The following NBEAL2 variants were observed in gnomAD, a reference collection of about 807,000 sequenced individuals.
NBEAL2 encodes neurobeachin like 2, also known as neurobeachin-like protein 2.
A neutral mutation model predicts 299.8 loss-of-function variants in NBEAL2; 160 were observed. The observed-to-expected ratio is 0.53, with a 90% CI of 0.47 to 0.61. The LOEUF is 0.61. NBEAL2 is among the 20% of genes least tolerant of loss of function. NBEAL2 has a pLI of 0.00. For missense variants in NBEAL2, 3,112 were observed against 3,649.0 expected (o/e 0.85, Z 3.79); for synonymous variants, 1,493 against 1,542.3 (o/e 0.97, Z 0.75).
At position 46,994,542 on chromosome 3, in the gene NBEAL2, C is replaced by T. The variant is rs1380279592; in HGVS notation, c.1285C>T (p.Leu429=). The T allele has an allele frequency of 1.9e-6, 3 of 1,581,136 alleles. No individual in the cohort carries two copies. The highest frequency in any genetic ancestry group is 2.3e-5 in the East Asian group (1 of 43,592). ...GPPTHRLLQE[L]LNMAVEGDHS... is the part of the protein sequence containing the mutation. ...CCCCACCCATCGGCTGTTGCAAGAGCTGCTCAACATGGTGAGGGAAGGGGC... is the reference window on the plus strand; with the variant it reads ...CCCCACCCATCGGCTGTTGCAAGAGTTGCTCAACATGGTGAGGGAAGGGGC... Residue 429 remains leucine, a synonymous_variant, in exon 12 of 54, where the codon CTG becomes TTG. Transcript: ENST00000450053.
In NBEAL2 at chr3:46,999,478, C is replaced by A. The variant is rs1290499333; in HGVS notation, c.3703+4C>A. The A allele has an allele frequency of 7.0e-6, 11 of 1,579,840 alleles. No homozygotes were observed. The East Asian group carries it at 1.9e-4, about 27-fold the overall frequency. On this transcript the variant is annotated splice_donor_region_variant and intron_variant, in intron 25 of 53. Transcript: ENST00000450053. Reference sequence around the variant, plus strand: ...TACAAGCTGTTCCTGGGGGCAGGTACAACCTGGTTAAGGCCAAGTGGAGGG... The same window carrying A: ...TACAAGCTGTTCCTGGGGGCAGGTAAAACCTGGTTAAGGCCAAGTGGAGGG...
rs764992108 is a variant in NBEAL2 at position 47,004,481 on chromosome 3, G to T, written c.6199-14G>T. The T allele has an allele frequency of 2.5e-6, 4 of 1,612,510 alleles. No individual in the cohort carries two copies. Among genetic ancestry groups the T allele is most frequent in the Middle Eastern group, 1.7e-4 (1 of 6,052 alleles). On this transcript the variant is annotated splice_polypyrimidine_tract_variant and intron_variant, in intron 37 of 53. Transcript: ENST00000450053. The surrounding 1 kb of genome is among the most constrained non-coding windows in gnomAD (Gnocchi z 5.0). Reference sequence around the variant, plus strand: ...AGCCCACCTGGCTCACATCTTGTCTGCCCCTGTCCCCAGAAATGGGTACAG... The same window carrying T: ...AGCCCACCTGGCTCACATCTTGTCTTCCCCTGTCCCCAGAAATGGGTACAG...
At chr3:46,985,112 C>T (rs1371545277) in intron 1 of NBEAL2, among the ~76,000 whole-genome samples, 1 of 152,166 alleles carries the variant, frequency 6.6e-6, no homozygotes, top group Non-Finnish European at 1.5e-5. Flanking sequence ...GGCATTCCAG[C>T]AGAGCAAACA....
Position 46,997,762 on chromosome 3 carries a change from T to C in NBEAL2, c.2958+68T>C, listed in dbSNP as rs985265457. 19 of 1,422,834 alleles carry C rather than the reference T, an allele frequency of 1.3e-5. No individual in the cohort carries two copies. The African/African-American group carries it at 1.7e-4, about 13-fold the overall frequency. The allele number at this position is 1,422,834 out of a possible 1,614,324, so 88.1% of individuals were successfully genotyped here. A position where few individuals can be genotyped will look rare whatever the true frequency, so the allele number is the denominator to read the frequency against. On this transcript the variant is annotated intron_variant, in intron 20 of 53. Coordinates refer to ENST00000450053, the MANE Select transcript of NBEAL2 (RefSeq NM_015175.3). ...AGCCTGTCTGACCGAGGGGACTGAGTGGGGAACCCTGTCAGTCATGAAGAA... is the reference window on the plus strand; with the variant it reads ...AGCCTGTCTGACCGAGGGGACTGAGCGGGGAACCCTGTCAGTCATGAAGAA...
At chr3:46,998,424 C>T (rs1206462282) in intron 21 of NBEAL2, 39 bp from the exon 22 acceptor site, 3 of 1,583,818 alleles carry the variant, frequency 1.9e-6, no homozygotes, top group Admixed American at 3.5e-5. Flanking sequence ...GGGCCCAGCT[C>T]AGCCTAGTGG....
rs1402897206 is a variant in NBEAL2 at position 46,996,277 on chromosome 3, T to C, written c.2158T>C (p.Ser720Pro). 2 of 1,606,596 alleles carry C rather than the reference T, an allele frequency of 1.2e-6. No homozygotes were observed. The highest frequency in any genetic ancestry group is 1.7e-4 in the Middle Eastern group (1 of 6,044). Reference sequence around the variant, plus strand: ...CCCAACCCCGGCCCCACAGCCTTTCTCCTCCTGCTGTATCGGCTCCGCTGG... The same window carrying C: ...CCCAACCCCGGCCCCACAGCCTTTCCCCTCCTGCTGTATCGGCTCCGCTGG... The part of the protein sequence containing the change: ...LRCPSLSEPF[S>P]SCCIGSAGYR... The change falls in exon 16 of 54, where the codon TCC becomes CCC. Residue 720 changes from serine to proline, a missense_variant. Around this residue, in one of 3 missense-constraint regions of NBEAL2, gnomAD observed 2,243 missense variants for 2,538.1 expected, o/e 0.88. Transcript: ENST00000450053.
At position 47,004,859 on chromosome 3, in the gene NBEAL2, C is replaced by A; in HGVS notation, c.6295-113C>A. ...CCCTGTGACCCCTCTAAGTGGTGCT[C>A]CCCCAACCTGTGGGCAGGCTCTGTG... On this transcript the variant is annotated intron_variant, in intron 38 of 53. Coordinates refer to ENST00000450053, the MANE Select transcript of NBEAL2 (RefSeq NM_015175.3). This position sits in a 1 kb window ranked among gnomAD's most constrained non-coding sequence, Gnocchi z 5.0. The A allele has an allele frequency of 6.8e-7, 1 of 1,476,310 alleles. No homozygotes were observed. Among genetic ancestry groups the A allele is most frequent in the Non-Finnish European group, 9.1e-7 (1 of 1,095,544 alleles). The allele number at this position is 1,476,310 out of a possible 1,614,324, so 91.5% of individuals were successfully genotyped here.
At position 47,005,793 on chromosome 3, in the gene NBEAL2, A is replaced by G; in HGVS notation, c.6747A>G (p.Leu2249=). The part of the protein sequence containing the change: ...LTNEKVGDVV[L]PPWASSPEDF... ...ACGAGAAGGTAGGCGATGTGGTGCT[A>G]CCCCCGTGGGCCAGCTCTCCTGAGG... Residue 2249 remains leucine (L), a synonymous_variant, in exon 42 of 54, where the codon CTA becomes CTG. Transcript: ENST00000450053. 6.2e-7 allele frequency: 1 copy of G among 1,612,840 alleles called. No homozygotes were observed. Among genetic ancestry groups the G allele is most frequent in the Non-Finnish European group, 8.5e-7 (1 of 1,179,748 alleles).
At position 47,009,366 on chromosome 3, in the gene NBEAL2, C is replaced by T. The variant is rs374899098; in HGVS notation, c.*46C>T. On this transcript the variant is annotated 3_prime_UTR_variant, in exon 54 of 54. Coordinates refer to ENST00000450053, the MANE Select transcript of NBEAL2 (RefSeq NM_015175.3). Reference sequence around the variant, plus strand: ...CGGGCCCCGCCCCCGGCAGGCCTGGCCCGGGAGGCCCCGCCCAGAAGTCGG... The same window carrying T: ...CGGGCCCCGCCCCCGGCAGGCCTGGTCCGGGAGGCCCCGCCCAGAAGTCGG... 8.2e-5 allele frequency: 125 copies of T among 1,524,640 alleles called. No individual in the cohort carries two copies. The highest frequency in any genetic ancestry group is 1.1e-4 in the Non-Finnish European group (120 of 1,126,946). 94.4% of individuals were successfully genotyped at this position (1,524,640 alleles called of 1,614,324 possible).
intron 52 of NBEAL2, 104 bp downstream of exon 52, chr3:47,008,772 T>C (rs2037656799): frequency 6.5e-7 from 1 of 1,532,812 alleles, no homozygotes; most frequent in Non-Finnish European, 8.8e-7. Flanking sequence ...TGGGCACATA[T>C]TTCAAGGTTT....
rs1307044447 is a variant in NBEAL2, at chr3:46,989,705, A to C, written c.556+112A>C. ...CCACTTGGTGGTGGCTGCATGCAGG[A>C]CTGGGAGAACCAAAGACCAAGCAAG... On this transcript the variant is annotated intron_variant, in intron 6 of 53. Transcript: ENST00000450053. This position sits in a 1 kb window ranked among gnomAD's most constrained non-coding sequence, Gnocchi z 5.5. The C allele has an allele frequency of 1.0e-6, 1 of 965,962 alleles. No homozygotes were observed. The highest frequency in any genetic ancestry group is 1.6e-6 in the Non-Finnish European group (1 of 620,258). The allele number at this position is 965,962 out of a possible 1,614,324, so 59.8% of individuals were successfully genotyped here.
intron 1 of NBEAL2, chr3:46,987,947 C>A: frequency 3.2e-6 from 4 of 1,249,926 alleles, no homozygotes; most frequent in Non-Finnish European, 4.1e-6. Flanking sequence ...TGACTCTGCG[C>A]TTCCTGCCCC....
Position 47,000,809 on chromosome 3 carries a change from A to G in NBEAL2, c.4306-192A>G. 1 of 820,030 alleles carries G rather than the reference A, an allele frequency of 1.2e-6. No homozygotes were observed. Among genetic ancestry groups the G allele is most frequent in the Non-Finnish European group, 1.9e-6 (1 of 533,402 alleles). 50.8% of individuals were successfully genotyped at this position (820,030 alleles called of 1,614,324 possible). A position where few individuals can be genotyped will look rare whatever the true frequency, so the allele number is the denominator to read the frequency against. On this transcript the variant is annotated intron_variant, in intron 27 of 53. Transcript: ENST00000450053. The surrounding 1 kb of genome is among the most constrained non-coding windows in gnomAD (Gnocchi z 4.5). ...GGCAAGACCCCAGGATTCTGCCTGG[A>G]ACTCAGGTAGTAGTTGAGACCCCTA... is the stretch of plus-strand genomic sequence containing the variant.
Position 47,009,557 on chromosome 3 carries a change from A to C in NBEAL2, c.*237A>C, listed in dbSNP as rs749818660. ...GGCCAGCACTGGCGTCTGCGGCCGC[A>C]GCAGCACTTTTTGCACAGTCTGGGG... On this transcript the variant is annotated 3_prime_UTR_variant, in exon 54 of 54. Transcript: ENST00000450053. 1.8e-6 allele frequency: 1 copy of C among 553,724 alleles called. No homozygotes were observed. The highest frequency in any genetic ancestry group is 3.2e-6 in the Non-Finnish European group (1 of 313,566). 34.3% of individuals were successfully genotyped at this position (553,724 alleles called of 1,614,324 possible).
chr3:47,008,887 C>T (rs1054037329), intron 52 of NBEAL2, 102 bp from the exon 53 acceptor site: 27 of 1,526,972 alleles, frequency 1.8e-5, no homozygotes, highest in Non-Finnish European at 2.3e-5. Flanking sequence ...ATTTAACCAT[C>T]CTTAAAATGA....
chr3:46,992,115 C>T (rs115438104), intron 9 of NBEAL2, among the ~76,000 whole-genome samples, 169 bp downstream of exon 9: 2,928 of 152,248 alleles, frequency 0.019, 44 homozygotes, highest in Middle Eastern at 0.037. Flanking sequence ...GGACAAGGGC[C>T]CATCCCTTGG....
At chr3:46,992,261 G>T (rs1367861253) in intron 9 of NBEAL2, among the ~76,000 whole-genome samples, 1 of 152,158 alleles carries the variant, frequency 6.6e-6, no homozygotes. Context: ...CTAGAGGAGG[G>T]CACCACTGCT....
chr3:46,991,335 GAGCAGCTCT>G lies in NBEAL2; in HGVS notation c.642+32_642+40del, dbSNP rs1462109693. 1.3e-6 allele frequency: 2 copies of G among 1,587,544 alleles called. No individual in the cohort carries two copies. The highest frequency in any genetic ancestry group is 1.7e-6 in the Non-Finnish European group (2 of 1,166,398). ...CTGGGAGGTGAGCCTGTGGACTAGA[GAGCAGCTCT>G]TTCAGTATCTCTCTGCTGGGTGAGC... On this transcript the variant is annotated intron_variant, in intron 7 of 53. Transcript: ENST00000450053. This position sits in a 1 kb window ranked among gnomAD's most constrained non-coding sequence, Gnocchi z 6.2.
Position 46,988,903 on chromosome 3 carries a change from G to A in NBEAL2, c.202G>A (p.Glu68Lys), listed in dbSNP as rs377660462. 19 of 1,612,732 alleles carry A rather than the reference G, an allele frequency of 1.2e-5. No individual in the cohort carries two copies. The highest frequency in any genetic ancestry group is 3.3e-5 in the South Asian group (3 of 91,032). The change falls in exon 3 of 54, where the codon GAA (glutamate) becomes AAA (lysine). Residue 68 changes from glutamate to lysine, a missense_variant. Glu to Lys is a moderately conservative substitution (Grantham distance 56, BLOSUM62 1). Transcript: ENST00000450053. This position sits in a 1 kb window ranked among gnomAD's most constrained non-coding sequence, Gnocchi z 4.4. ...LPLDELHVLAEQLHQADLEQA... is the reference protein window; with the variant it reads ...LPLDELHVLAKQLHQADLEQA... ...ACTGGATGAGCTGCATGTGCTGGCCGAACAGCTGCACCAGGCTGACCTGGA... is the reference window on the plus strand; with the variant it reads ...ACTGGATGAGCTGCATGTGCTGGCCAAACAGCTGCACCAGGCTGACCTGGA...
Sources: gnomAD v4.1 joint callset for allele counts (sites outside exome capture counted in the v4.1 genomes callset) on GRCh38, gnomAD v4.1.1 for gene constraint, gnomAD v4.1.1 regional missense constraint, Gnocchi (gnomAD v3.1) non-coding constraint, MANE v1.5 for transcripts, NCBI Gene and HGNC (gene_info 2026-07-23, HGNC 2026-07-21) for gene names.